FRMD6: variants seen among roughly 807,000 people sequenced by gnomAD.
FRMD6 encodes FERM domain-containing protein 6.
Under a neutral mutation model 73.2 loss-of-function variants are expected in FRMD6, and 37 were observed. That is an observed-to-expected ratio of 0.51 (90% CI 0.39 to 0.66). The LOEUF is 0.66. Ranked by LOEUF, FRMD6 falls within the 30% of genes least tolerant of loss-of-function variation. The pLI is 0.00. For synonymous variants in FRMD6, 273 were observed against 282.2 expected, an observed-to-expected ratio of 0.97 and a Z score of 0.33; for missense variants, 714 against 780.5, an observed-to-expected ratio of 0.91 and a Z score of 1.02.
At chr14:51,506,479 G>A (rs1380604743) in intron 1 of FRMD6, among the ~76,000 whole-genome samples, 3 of 152,204 alleles carry the variant, frequency 2.0e-5, no homozygotes, top group African/African-American at 7.2e-5. Flanking sequence ...AGTTAAAACA[G>A]CAAATGAGCT....
At chr14:51,472,765 A>G in the FRMD6 span, among the ~76,000 whole-genome samples, 1 of 152,188 alleles carries the variant, frequency 6.6e-6, no homozygotes, top group African/African-American at 2.4e-5. Context: ...CCCCTCACCC[A>G]GATTTCTGGT....
rs554969032 is a variant in FRMD6, at chr14:51,561,881, A to G, written c.-209-8467A>G. 2.0e-5 allele frequency among the ~76,000 whole-genome samples: 3 copies of G among 152,350 alleles called. No homozygotes were observed. In the South Asian group the frequency reaches 6.2e-4, roughly 32 times the overall value. On this transcript the variant is annotated intron_variant, in intron 1 of 14. Coordinates refer to the FRMD6 transcript ENST00000356218. ...AAATTCATTTTGATTGTTATCCCAA[A>G]TGAAAAAAATATATATTTAGTTTAT...
At chr14:51,548,296 T>G (rs1886590230) in intron 1 of FRMD6, among the ~76,000 whole-genome samples, 1 of 152,202 alleles carries the variant, frequency 6.6e-6, no homozygotes, top group African/African-American at 2.4e-5. Context: ...TGTAAACATA[T>G]CTGGCATTTG....
In FRMD6 at chr14:51,520,667, G is replaced by A. The variant is rs1035389611; in HGVS notation, c.-210+31247G>A. ...TCTTCCAGCACTGTAGAAGGCTGAGGCAGGTGGGTCCCTTGAGCCCAGGAG... is the reference window on the plus strand; with the variant it reads ...TCTTCCAGCACTGTAGAAGGCTGAGACAGGTGGGTCCCTTGAGCCCAGGAG... On this transcript the variant is annotated intron_variant, in intron 1 of 14. Transcript: ENST00000356218. Among the ~76,000 whole-genome samples, 4 of 152,194 alleles carry A rather than the reference G, an allele frequency of 2.6e-5. No individual in the cohort carries two copies. The South Asian group carries it at 8.3e-4, about 32-fold the overall frequency.
intron 2 of FRMD6, among the ~76,000 whole-genome samples, chr14:51,593,873 G>T (rs899285247): frequency 6.6e-6 from 1 of 151,542 alleles, no homozygotes; most frequent in Admixed American, 6.6e-5. Flanking sequence ...ACATATATAT[G>T]TATATATATA....
At chr14:51,511,210 G>A (rs754958209) in intron 1 of FRMD6, among the ~76,000 whole-genome samples, 46 of 151,960 alleles carry the variant, frequency 3.0e-4, no homozygotes, top group Non-Finnish European at 7.4e-5. Context: ...ATATTTTTTG[G>A]TCTTAACTAC....
At chr14:51,437,304 A>G in the FRMD6 span, among the ~76,000 whole-genome samples, 1 of 152,186 alleles carries the variant, frequency 6.6e-6, no homozygotes, top group Non-Finnish European at 1.5e-5. Context: ...GTTCCTGCAA[A>G]GAGTCTGTCT....
At chr14:51,517,066 A>G (rs1488459891) in intron 1 of FRMD6, among the ~76,000 whole-genome samples, 1 of 152,238 alleles carries the variant, frequency 6.6e-6, no homozygotes, top group Non-Finnish European at 1.5e-5. Context: ...GTTCTGTTAT[A>G]AAAAATTGAA....
chr14:51,432,487 C>A, the FRMD6 span, among the ~76,000 whole-genome samples: 1 of 152,108 alleles, frequency 6.6e-6, no homozygotes, highest in South Asian at 2.1e-4. Context: ...TTGACCTTTG[C>A]CAAATGGTGA....
At chr14:51,721,279 G>A (rs1400259098) in intron 11 of FRMD6, among the ~76,000 whole-genome samples, 1 of 152,170 alleles carries the variant, frequency 6.6e-6, no homozygotes, top group African/African-American at 2.4e-5. Context: ...GCAAATTATA[G>A]TATTAAAACA....
At chr14:51,537,857 G>A (rs10149874) in intron 1 of FRMD6, among the ~76,000 whole-genome samples, 53,457 of 152,014 alleles carry the variant, frequency 0.35, 9,771 homozygotes, top group African/African-American at 0.46. Context: ...TGGGATGTTC[G>A]TTTTTTATTG....
At chr14:51,420,035 A>T in the FRMD6 span, among the ~76,000 whole-genome samples, 12 of 152,006 alleles carry the variant, frequency 7.9e-5, no homozygotes, top group Non-Finnish European at 1.0e-4. Context: ...TGCGCTTTTT[A>T]GGTGCGACTG....
At position 51,632,430 on chromosome 14, in the gene FRMD6, T is replaced by C. The variant is rs1351988000; in HGVS notation, c.-146-57261T>C. Among the ~76,000 whole-genome samples the C allele has an allele frequency of 8.5e-5, 13 of 152,206 alleles. 1 individual carries two copies. The highest frequency in any genetic ancestry group is 8.5e-4 in the Admixed American group (13 of 15,284). ...GAACTCCAAAGAGTCTTTAATACAG[T>C]ATATTCAATGTGCATTATGAGCCTC... is the stretch of plus-strand genomic sequence containing the variant. On this transcript the variant is annotated intron_variant, in intron 2 of 14. Coordinates refer to the FRMD6 transcript ENST00000356218.
intron 1 of FRMD6, among the ~76,000 whole-genome samples, chr14:51,553,238 A>G (rs2139451336): frequency 6.6e-6 from 1 of 152,336 alleles, no homozygotes; most frequent in East Asian, 1.9e-4. Flanking sequence ...GTGATGGGAA[A>G]TGTGATTTCA....
At chr14:51,727,340 A>C in intron 13 of FRMD6, among the ~76,000 whole-genome samples, 1 of 151,612 alleles carries the variant, frequency 6.6e-6, no homozygotes, top group African/African-American at 2.4e-5. Flanking sequence ...GTCTTTACCT[A>C]TATGACCTTA....
intron 1 of FRMD6, among the ~76,000 whole-genome samples, chr14:51,567,528 C>G (rs1287711323): frequency 1.3e-5 from 2 of 152,154 alleles, no homozygotes; most frequent in Non-Finnish European, 2.9e-5. Flanking sequence ...TTTGTAGAGA[C>G]AGTATCTTGC....
intron 1 of FRMD6, among the ~76,000 whole-genome samples, chr14:51,678,701 G>C (rs369163694): frequency 1.6e-4 from 25 of 152,204 alleles, no homozygotes; most frequent in African/African-American, 6.0e-4. Context: ...TACCCTTGAG[G>C]AGACTCCAGT....
intron 2 of FRMD6, among the ~76,000 whole-genome samples, chr14:51,621,096 A>C (rs1890909115): frequency 6.6e-6 from 1 of 152,144 alleles, no homozygotes; most frequent in Non-Finnish European, 1.5e-5. Flanking sequence ...TAACCACGCC[A>C]CTGTTTATGT....
At chr14:51,527,373 C>T (rs182977758) in intron 1 of FRMD6, among the ~76,000 whole-genome samples, 31 of 152,302 alleles carry the variant, frequency 2.0e-4, no homozygotes, top group Middle Eastern at 3.4e-3. Flanking sequence ...AAACTGAGGA[C>T]GGGAATGGCT....
Sources: gnomAD v4.1 joint callset for allele counts (sites outside exome capture counted in the v4.1 genomes callset) on GRCh38, gnomAD v4.1.1 for gene constraint, MANE v1.5 for transcripts, NCBI Gene and HGNC (gene_info 2026-07-23, HGNC 2026-07-21) for gene names.